The following SLC2A14 variants were observed in gnomAD, a reference collection of about 807,000 sequenced individuals.
SLC2A14 encodes solute carrier family 2 member 14.
In SLC2A14, 13 loss-of-function variants were observed where a neutral mutation model predicts 43.0. The ratio of observed to expected loss-of-function variants is 0.30; its 90% confidence interval spans 0.20 to 0.48. The LOEUF is 0.48. SLC2A14 is among the 20% of genes least tolerant of loss of function. The pLI, the probability that SLC2A14 is intolerant of heterozygous loss-of-function variation, is 0.99. For missense variants in SLC2A14, 428 were observed against 620.4 expected (o/e 0.69, Z 3.29); for synonymous variants, 190 against 233.8 (o/e 0.81, Z 1.71).
chr12:7,866,533 T>G (rs1262855053), intron 2 of SLC2A14, among the ~76,000 whole-genome samples: 4 of 151,870 alleles, frequency 2.6e-5, no homozygotes, highest in Non-Finnish European at 4.4e-5. Flanking sequence ...CCCAGCTAAT[T>G]TTTATATTTT....
At chr12:7,866,647 TA>T in intron 2 of SLC2A14, among the ~76,000 whole-genome samples, 1 of 152,294 alleles carries the variant, frequency 6.6e-6, no homozygotes, top group Middle Eastern at 3.4e-3. Context: ...ATTACAGGCA[TA>T]AGCTACTGGG....
intron 2 of SLC2A14, among the ~76,000 whole-genome samples, chr12:7,865,262 G>A (rs1481257809): frequency 6.6e-6 from 1 of 152,122 alleles, no homozygotes; most frequent in Non-Finnish European, 1.5e-5. Flanking sequence ...GGCAGGCTGG[G>A]CACGGTGGCT....
At position 7,883,712 on chromosome 12, in the gene SLC2A14, T is replaced by C. The variant is rs1324911476; in HGVS notation, c.132+7284A>G. On this transcript the variant is annotated intron_variant, in intron 1 of 9. Transcript: ENST00000539924. ...CATTCTCCTGCCTCAGTCTCCCGAG[T>C]AGTTGGGATTACAGGCGCCCACCAC... is the stretch of plus-strand genomic sequence containing the variant. Among the ~76,000 whole-genome samples, 5 of 145,760 alleles carry C rather than the reference T, an allele frequency of 3.4e-5. No homozygotes were observed. In the East Asian group the frequency reaches 1.0e-3, roughly 30 times the overall value.
intron 1 of SLC2A14, among the ~76,000 whole-genome samples, chr12:7,882,476 C>A (rs1057389904): frequency 1.3e-5 from 2 of 152,104 alleles, no homozygotes; most frequent in Non-Finnish European, 2.9e-5. Flanking sequence ...CCTGACACAG[C>A]GCCCCTCCAC....
chr12:7,857,000 C>G (rs1042553727), intron 2 of SLC2A14, among the ~76,000 whole-genome samples: 1 of 151,886 alleles, frequency 6.6e-6, no homozygotes, highest in Admixed American at 6.6e-5. Context: ...GCCTGTAATC[C>G]CAGCACTTTG....
At chr12:7,882,509 AAC>A (rs1182670182) in intron 1 of SLC2A14, among the ~76,000 whole-genome samples, 1 of 151,966 alleles carries the variant, frequency 6.6e-6, no homozygotes, top group Non-Finnish European at 1.5e-5. Flanking sequence ...AACGGAGCGA[AAC>A]TTACCTCTCA....
rs192415027 is a variant in SLC2A14, at chr12:7,891,063, C to T, written c.65G>A (p.Arg22Gln). 1.1e-3 allele frequency: 1,685 copies of T among 1,535,012 alleles called. 29 individuals are homozygous for T. In the Admixed American group the frequency reaches 0.023, roughly 21 times the overall value. Reference sequence around the variant, plus strand: ...GGTCTGAGAAGAAAAAAAGAAATGCCGCATTTCATCTCCTTGTTTCACACC... The same window carrying T: ...GGTCTGAGAAGAAAAAAAGAAATGCTGCATTTCATCTCCTTGTTTCACACC... The change falls in exon 1 of 10, where the codon CGG (arginine) becomes CAG (glutamine). Residue 22 changes from arginine to glutamine, a missense_variant. By Grantham distance (43) the Arg-to-Gln change is conservative. Coordinates refer to the SLC2A14 transcript ENST00000539924.
At chr12:7,858,118 G>A (rs1386598309) in intron 2 of SLC2A14, among the ~76,000 whole-genome samples, 2 of 152,012 alleles carry the variant, frequency 1.3e-5, no homozygotes, top group East Asian at 1.9e-4. Context: ...GGGTGACACA[G>A]CAAAACTCTT....
intron 7 of SLC2A14, among the ~76,000 whole-genome samples, chr12:7,825,610 A>G (rs1864287502): frequency 6.6e-6 from 1 of 151,018 alleles, no homozygotes; most frequent in African/African-American, 2.4e-5. Context: ...AAAAATGCAA[A>G]AAATTAGCTG....
intron 8 of SLC2A14, among the ~76,000 whole-genome samples, chr12:7,820,451 A>C (rs1029403617): frequency 6.6e-6 from 1 of 152,142 alleles, no homozygotes; most frequent in Non-Finnish European, 1.5e-5. Flanking sequence ...GTCTTGGGAA[A>C]TCGGCCACCA....
intron 2 of SLC2A14, among the ~76,000 whole-genome samples, chr12:7,834,121 G>A (rs1192342441): frequency 6.6e-6 from 1 of 151,876 alleles, no homozygotes; most frequent in Non-Finnish European, 1.5e-5. Flanking sequence ...AATGCTCTCT[G>A]TTAAATCTTT....
chr12:7,848,608 T>G (rs1866667231), intron 2 of SLC2A14, among the ~76,000 whole-genome samples: 1 of 151,118 alleles, frequency 6.6e-6, no homozygotes. Context: ...CAGGCTGGAG[T>G]GCAATGGCGC....
In SLC2A14 at chr12:7,834,530, CTT is replaced by C. The variant is rs71038782; in HGVS notation, c.19-1718_19-1717del. On this transcript the variant is annotated intron_variant, in intron 2 of 10. Transcript: ENST00000431042. ...ACACAGTGAGACCCCTTCTCTCTCT[CTT>C]TTTTTTTTTTTTTTGAGACCCCTTC... Among the ~76,000 whole-genome samples the C allele has an allele frequency of 1.4e-3, 154 of 113,200 alleles. 1 individual carries two copies. Among genetic ancestry groups the C allele is most frequent in the Middle Eastern group, 4.5e-3 (1 of 222 alleles). The allele number at this position is 113,200 out of a possible 152,430, so 74.3% of individuals were successfully genotyped here.
At chr12:7,863,990 TG>T (rs2121018306) in intron 2 of SLC2A14, among the ~76,000 whole-genome samples, 1 of 151,572 alleles carries the variant, frequency 6.6e-6, no homozygotes, top group East Asian at 2.0e-4. Context: ...TAATTTTTTG[TG>T]TTTTTTAGTA....
At chr12:7,820,356 G>C (rs372039499) in intron 8 of SLC2A14, among the ~76,000 whole-genome samples, 2 of 152,136 alleles carry the variant, frequency 1.3e-5, no homozygotes, top group Non-Finnish European at 1.5e-5. Flanking sequence ...AGAGGATGTC[G>C]TGGGAATCCT....
At chr12:7,882,348 CACATCTGA>C in intron 1 of SLC2A14, among the ~76,000 whole-genome samples, 1 of 152,064 alleles carries the variant, frequency 6.6e-6, no homozygotes, top group South Asian at 2.1e-4. Context: ...AAAGTCCAAA[CACATCTGA>C]ACATCAGAAG....
At chr12:7,820,535 G>A (rs377173990) in intron 8 of SLC2A14, among the ~76,000 whole-genome samples, 2 of 152,076 alleles carry the variant, frequency 1.3e-5, no homozygotes, top group Admixed American at 6.6e-5. Flanking sequence ...TGTCCACTAC[G>A]GAACTGATTG....
intron 2 of SLC2A14, among the ~76,000 whole-genome samples, chr12:7,833,917 C>T (rs1324530156): frequency 6.6e-6 from 1 of 152,116 alleles, no homozygotes; most frequent in Non-Finnish European, 1.5e-5. Flanking sequence ...ATTTCTATAC[C>T]TGAAGCCATC....
intron 1 of SLC2A14, among the ~76,000 whole-genome samples, chr12:7,885,299 T>C (rs1014854793): frequency 1.3e-5 from 2 of 152,108 alleles, no homozygotes; most frequent in Non-Finnish European, 2.9e-5. Flanking sequence ...ACCCCATCTC[T>C]ACTAAAAATA....
Sources: allele counts gnomAD v4.1 joint callset (sites outside exome capture counted in the v4.1 genomes callset), GRCh38; gene constraint gnomAD v4.1.1; transcripts MANE v1.5; gene names NCBI Gene and HGNC (gene_info 2026-07-23, HGNC 2026-07-21).